The following DOCK2 variants were observed in gnomAD, a reference collection of about 807,000 sequenced individuals.
DOCK2 encodes the protein dedicator of cytokinesis 2.
A neutral mutation model predicts 248.9 loss-of-function variants in DOCK2; 87 were observed. The observed-to-expected ratio is 0.35, with a 90% CI of 0.29 to 0.42. The LOEUF is 0.42. Among genes scored for constraint, DOCK2 ranks in the 10% least tolerant of loss-of-function variants. The pLI is 1.00. For synonymous variants in DOCK2, 805 were observed against 821.6 expected (o/e 0.98, Z 0.35); for missense variants, 1,747 against 2,300.2 (o/e 0.76, Z 4.92).
intron 27 of DOCK2, among the ~76,000 whole-genome samples, chr5:169,930,645 G>A (rs978051244): frequency 1.3e-5 from 2 of 152,216 alleles, no homozygotes; most frequent in African/African-American, 4.8e-5. Flanking sequence ...ATGAGCTGCG[G>A]CTGACAGGGA....
chr5:169,791,721 T>TGA (rs1182180248), intron 25 of DOCK2, among the ~76,000 whole-genome samples: 1 of 152,224 alleles, frequency 6.6e-6, no homozygotes, highest in Non-Finnish European at 1.5e-5. Context: ...ACTAGCTGGG[T>TGA]GAGCTACATG....
At chr5:170,049,356 G>A (rs540698278) in intron 40 of DOCK2, among the ~76,000 whole-genome samples, 38 of 152,268 alleles carry the variant, frequency 2.5e-4, no homozygotes, top group African/African-American at 6.7e-4. Context: ...CTCATGATCC[G>A]CCTGCCTCGG....
At chr5:169,653,911 C>A (rs1182694960) in intron 1 of DOCK2, among the ~76,000 whole-genome samples, 3 of 152,192 alleles carry the variant, frequency 2.0e-5, no homozygotes, top group Non-Finnish European at 4.4e-5. Flanking sequence ...GGTGCCTGAG[C>A]TGGGACTCAA....
At chr5:169,973,091 C>T (rs563174352) in intron 27 of DOCK2, among the ~76,000 whole-genome samples, 57 of 152,298 alleles carry the variant, frequency 3.7e-4, no homozygotes, top group Admixed American at 1.4e-3. Flanking sequence ...AGAAGGAAAA[C>T]GAGGTAAACT....
intron 32 of DOCK2, among the ~76,000 whole-genome samples, chr5:170,012,602 A>G (rs1429130450): frequency 6.6e-6 from 1 of 152,184 alleles, no homozygotes; most frequent in Non-Finnish European, 1.5e-5. Flanking sequence ...AGGTATGGGC[A>G]GGGAGGTCTT....
intron 22 of DOCK2, among the ~76,000 whole-genome samples, chr5:169,739,381 G>T (rs965280585): frequency 6.6e-6 from 1 of 152,206 alleles, no homozygotes; most frequent in African/African-American, 2.4e-5. Context: ...ATTCCCACAT[G>T]AGAATGAGAA....
In DOCK2 at chr5:169,875,097, A is replaced by G. The variant is rs375369264; in HGVS notation, c.2799+34245A>G. 4,070 of 417,162 alleles carry G rather than the reference A, an allele frequency of 9.8e-3. 190 individuals are homozygous for G. Among genetic ancestry groups the G allele is most frequent in the South Asian group, 0.069 (3,933 of 56,708 alleles). 25.8% of individuals were successfully genotyped at this position (417,162 alleles called of 1,614,324 possible). On this transcript the variant is annotated intron_variant, in intron 27 of 51. Transcript: ENST00000520908. Reference sequence around the variant, plus strand: ...CTAAAGCTACTCTCTGGGCTATTTTACAAGCAAGTATTTTTTATTCATGGG... The same window carrying G: ...CTAAAGCTACTCTCTGGGCTATTTTGCAAGCAAGTATTTTTTATTCATGGG...
intron 44 of DOCK2, among the ~76,000 whole-genome samples, chr5:170,059,072 A>G (rs1757235756): frequency 1.3e-5 from 2 of 152,118 alleles, no homozygotes; most frequent in African/African-American, 4.8e-5. Context: ...TAATTAGTGC[A>G]TTGTTCAAGG....
chr5:169,702,969 T>G (rs1172066272), intron 14 of DOCK2, among the ~76,000 whole-genome samples: 1 of 152,184 alleles, frequency 6.6e-6, no homozygotes, highest in African/African-American at 2.4e-5. Flanking sequence ...CAGGGTGTAT[T>G]CAGGAATGCA....
At chr5:169,647,672 C>G (rs953023273) in intron 1 of DOCK2, among the ~76,000 whole-genome samples, 2 of 152,112 alleles carry the variant, frequency 1.3e-5, no homozygotes, top group African/African-American at 4.8e-5. Flanking sequence ...TTTCCCCCCT[C>G]TCTTCCCTGC....
At chr5:169,744,907 A>C (rs1006617133) in intron 22 of DOCK2, among the ~76,000 whole-genome samples, 2 of 152,140 alleles carry the variant, frequency 1.3e-5, no homozygotes, top group African/African-American at 4.8e-5. Context: ...AGAACTCCCC[A>C]CCACACACAC....
chr5:169,996,236 A>T (rs1025812961), intron 30 of DOCK2, 72 bp downstream of exon 30: 3 of 1,478,804 alleles, frequency 2.0e-6, no homozygotes, highest in Non-Finnish European at 2.8e-6. Flanking sequence ...TGATTGCTCC[A>T]TCAGACACAT....
At chr5:169,801,103 G>A (rs181906019) in intron 25 of DOCK2, among the ~76,000 whole-genome samples, 14 of 143,826 alleles carry the variant, frequency 9.7e-5, no homozygotes, top group African/African-American at 2.3e-4. Context: ...CTCCTGAGTC[G>A]CTGGGATTAC....
At chr5:169,690,864 C>G (rs1760256992) in intron 9 of DOCK2, among the ~76,000 whole-genome samples, 1 of 152,204 alleles carries the variant, frequency 6.6e-6, no homozygotes, top group Non-Finnish European at 1.5e-5. Context: ...CTCCTCAGAA[C>G]AAGTGGAGTT....
chr5:169,755,767 C>CAATAAT (rs531103164), intron 23 of DOCK2, among the ~76,000 whole-genome samples: 1 of 152,018 alleles, frequency 6.6e-6, no homozygotes, highest in Non-Finnish European at 1.5e-5. Flanking sequence ...AAATTAAAAA[C>CAATAAT]AATAATAATA....
chr5:169,916,433 G>A (rs1774878942), intron 27 of DOCK2, among the ~76,000 whole-genome samples: 1 of 152,134 alleles, frequency 6.6e-6, no homozygotes, highest in African/African-American at 2.4e-5. Context: ...CCTTGCCATG[G>A]GGACAAATGC....
At chr5:169,814,133 A>G (rs1767920996) in intron 26 of DOCK2, among the ~76,000 whole-genome samples, 1 of 152,226 alleles carries the variant, frequency 6.6e-6, no homozygotes, top group Non-Finnish European at 1.5e-5. Flanking sequence ...CCACTGATTA[A>G]TGGCACAGGG....
intron 11 of DOCK2, among the ~76,000 whole-genome samples, chr5:169,698,858 C>T (rs1007409032): frequency 7.2e-5 from 11 of 152,130 alleles, no homozygotes; most frequent in African/African-American, 2.4e-4. Flanking sequence ...ATTTCAGGAG[C>T]GTGTGGCAGG....
chr5:169,839,409 G>A (rs550347664), intron 26 of DOCK2, among the ~76,000 whole-genome samples: 2 of 152,302 alleles, frequency 1.3e-5, no homozygotes, highest in Admixed American at 6.5e-5. Flanking sequence ...GAAGTGATAA[G>A]TGAGGTTGCA....
Sources: allele counts gnomAD v4.1 joint callset (sites outside exome capture counted in the v4.1 genomes callset), GRCh38; gene constraint gnomAD v4.1.1; transcripts MANE v1.5; gene names NCBI Gene and HGNC (gene_info 2026-07-23, HGNC 2026-07-21).